The following FRMPD2 variants were observed in gnomAD, a reference collection of about 807,000 sequenced individuals.
FRMPD2 encodes FERM and PDZ domain-containing protein 2.
In FRMPD2, 96 loss-of-function variants were observed where a neutral mutation model predicts 140.1. That is an observed-to-expected ratio of 0.69 (90% CI 0.58 to 0.81). FRMPD2 has a LOEUF of 0.81. Among genes scored for constraint, FRMPD2 ranks in the 40% least tolerant of loss-of-function variants. The pLI is 0.00. For missense variants in FRMPD2, 1,240 were observed against 1,447.4 expected, an observed-to-expected ratio of 0.86 and a Z score of 2.32; for synonymous variants, 449 against 547.6, an observed-to-expected ratio of 0.82 and a Z score of 2.52.
intron 17 of FRMPD2, 66 bp from the exon 18 acceptor site, chr10:48,185,711 G>A: frequency 8.5e-7 from 1 of 1,182,848 alleles, no homozygotes. Flanking sequence ...TAATACAAAA[G>A]GAGTAAACAG....
chr10:48,199,457 T>C (rs1316406197), intron 15 of FRMPD2, among the ~76,000 whole-genome samples: 1 of 152,176 alleles, frequency 6.6e-6, no homozygotes, highest in Non-Finnish European at 1.5e-5. Context: ...CAGCAGCAAA[T>C]AGCTTCCTGA....
chr10:48,206,837 T>C lies in FRMPD2; in HGVS notation c.1708A>G (p.Lys570Glu). 1.9e-6 allele frequency: 3 copies of C among 1,613,990 alleles called. No homozygotes were observed. Among genetic ancestry groups the C allele is most frequent in the Non-Finnish European group, 2.5e-6 (3 of 1,179,850 alleles). The part of the protein sequence containing the change: ...EEEMALGICA[K>E]GVIVYEVKNN... The stretch of plus-strand genomic sequence containing the variant: ...TTCACTTCATAGACTATGACACCCT[T>C]GGCACAGATCCCCAGGGCCATCTCC... The change falls in exon 14 of 29, where the codon AAG (lysine) becomes GAG (glutamate). Residue 570 changes from lysine to glutamate, a missense_variant. Coordinates refer to ENST00000374201, the MANE Select transcript of FRMPD2 (RefSeq NM_001018071.4).
intron 3 of FRMPD2, 59 bp downstream of exon 3, chr10:48,248,962 G>T: frequency 1.4e-6 from 2 of 1,471,134 alleles, no homozygotes; most frequent in Non-Finnish European, 9.1e-7. Flanking sequence ...GGCTGCCGCT[G>T]GGACAGGCCT....
Position 48,157,933 on chromosome 10 carries a change from AC to A in FRMPD2, c.3882-564del, listed in dbSNP as rs1472225846. Among the ~76,000 whole-genome samples, 37 of 145,096 alleles carry A rather than the reference AC, an allele frequency of 2.6e-4. 1 individual carries two copies. The highest frequency in any genetic ancestry group is 8.9e-4 in the African/African-American group (34 of 38,410). ...CACTGTCCCCACCACCTCAAGCAGC[AC>A]CCCCTTCCCTCCGTTCTGAGCTCAC... is the stretch of plus-strand genomic sequence containing the variant. On this transcript the variant is annotated intron_variant, in intron 28 of 28. Transcript: ENST00000374201.
At chr10:48,190,886 A>G (rs1373406454) in intron 16 of FRMPD2, among the ~76,000 whole-genome samples, 1 of 152,220 alleles carries the variant, frequency 6.6e-6, no homozygotes, top group African/African-American at 2.4e-5. Context: ...TTTGCGGGCA[A>G]CACATCCTCA....
At chr10:48,217,579 G>A (rs1839479816) in intron 12 of FRMPD2, among the ~76,000 whole-genome samples, 1 of 152,022 alleles carries the variant, frequency 6.6e-6, no homozygotes, top group Non-Finnish European at 1.5e-5. Context: ...AATATAATAG[G>A]AGATATCAAT....
chr10:48,246,479 C>A (rs74130210), intron 3 of FRMPD2, among the ~76,000 whole-genome samples: 4,289 of 152,310 alleles, frequency 0.028, 151 homozygotes, highest in African/African-American at 0.084. Context: ...CAACTCCTGG[C>A]TCAGTGGGAA....
At chr10:48,239,522 A>G in intron 7 of FRMPD2, 83 bp downstream of exon 7, 1 of 920,838 alleles carries the variant, frequency 1.1e-6, no homozygotes, top group Non-Finnish European at 1.7e-6. Flanking sequence ...CTTACTAATA[A>G]TCAGTAAAGA....
chr10:48,196,604 G>A (rs760635406), intron 15 of FRMPD2, among the ~76,000 whole-genome samples: 1 of 152,154 alleles, frequency 6.6e-6, no homozygotes, highest in Admixed American at 6.5e-5. Context: ...GGCAAAGAGA[G>A]GTGTGTGAGA....
intron 1 of FRMPD2, among the ~76,000 whole-genome samples, chr10:48,267,260 G>T (rs1206189409): frequency 1.3e-5 from 2 of 152,136 alleles, no homozygotes; most frequent in Non-Finnish European, 2.9e-5. Context: ...ATCTGACCAG[G>T]ATTTTCGTGA....
At chr10:48,158,347 G>C (rs531276257) in intron 28 of FRMPD2, among the ~76,000 whole-genome samples, 2 of 149,680 alleles carry the variant, frequency 1.3e-5, no homozygotes, top group Admixed American at 1.3e-4. Flanking sequence ...TTTGACCTGG[G>C]GCTCAACTGT....
intron 8 of FRMPD2, 104 bp from the exon 9 acceptor site, chr10:48,236,657 C>T: frequency 9.6e-7 from 1 of 1,038,622 alleles, no homozygotes. Context: ...AGCATACATT[C>T]CCCAGAGCCA....
chr10:48,204,994 G>C (rs1015117223), intron 14 of FRMPD2, among the ~76,000 whole-genome samples: 2 of 152,160 alleles, frequency 1.3e-5, no homozygotes, highest in African/African-American at 2.4e-5. Flanking sequence ...CAAGATGAAC[G>C]ATCTGTAATT....
intron 10 of FRMPD2, among the ~76,000 whole-genome samples, chr10:48,227,596 C>T (rs919705105): frequency 3.9e-5 from 6 of 152,148 alleles, no homozygotes; most frequent in Non-Finnish European, 7.4e-5. Context: ...GGAAGCCTCT[C>T]GTATCCATGG....
At chr10:48,160,284 A>G (rs1837900624) in intron 28 of FRMPD2, among the ~76,000 whole-genome samples, 1 of 151,706 alleles carries the variant, frequency 6.6e-6, no homozygotes, top group Non-Finnish European at 1.5e-5. Context: ...AAAAGAGAAC[A>G]GGGAAAGAAA....
At chr10:48,239,732 A>G in intron 6 of FRMPD2, 40 bp from the exon 7 acceptor site, 1 of 1,472,220 alleles carries the variant, frequency 6.8e-7, no homozygotes, top group Non-Finnish European at 9.5e-7. Context: ...GCAGAAGCCA[A>G]GATCACGGCT....
intron 3 of FRMPD2, among the ~76,000 whole-genome samples, chr10:48,247,653 G>T (rs866310271): frequency 6.6e-5 from 10 of 152,168 alleles, no homozygotes; most frequent in African/African-American, 2.2e-4. Context: ...TTTACCACTG[G>T]CTAAGTGTCC....
At chr10:48,268,191 C>T (rs528466099) in intron 1 of FRMPD2, among the ~76,000 whole-genome samples, 1 of 152,058 alleles carries the variant, frequency 6.6e-6, no homozygotes, top group Non-Finnish European at 1.5e-5. Context: ...GATATCCCTC[C>T]CCACCTATAT....
chr10:48,191,173 A>G (rs893213564), intron 16 of FRMPD2, among the ~76,000 whole-genome samples: 1 of 152,162 alleles, frequency 6.6e-6, no homozygotes, highest in Non-Finnish European at 1.5e-5. Context: ...GCCTTGCAGA[A>G]CCTTGCTGGA....
Sources: allele counts gnomAD v4.1 joint callset (sites outside exome capture counted in the v4.1 genomes callset), GRCh38; gene constraint gnomAD v4.1.1; transcripts MANE v1.5; gene names NCBI Gene and HGNC (gene_info 2026-07-23, HGNC 2026-07-21).